Variants in TDRD6 observed in about 807,000 individuals in gnomAD.
TDRD6 encodes tudor domain-containing protein 6.
In TDRD6, 186 loss-of-function variants were observed where a neutral mutation model predicts 157.5. The observed-to-expected ratio is 1.18, with a 90% CI of 1.05 to 1.33. The LOEUF is 1.33. TDRD6 is among the 40% of genes most tolerant of loss of function. The probability of loss-of-function intolerance (pLI) is 0.00; values close to 1 mark genes in which losing one functional copy is unlikely to be tolerated. For synonymous variants in TDRD6, 1,075 were observed against 945.2 expected (o/e 1.14, Z -2.52); for missense variants, 3,066 against 2,508.0 (o/e 1.22, Z -4.75).
Position 46,689,257 on chromosome 6 carries a change from G to A in TDRD6, c.1129G>A (p.Ala377Thr), listed in dbSNP as rs1764225972. 6.2e-7 allele frequency: 1 copy of A among 1,614,002 alleles called. No individual in the cohort carries two copies. The highest frequency in any genetic ancestry group is 1.6e-4 in the Middle Eastern group (1 of 6,084). ...FRMPVVTYPC[A>T]LYGLWDGGRG... ...AATGCCGGTGGTGACCTACCCTTGTGCTTTGTATGGACTCTGGGACGGTGG... is the reference window on the plus strand; with the variant it reads ...AATGCCGGTGGTGACCTACCCTTGTACTTTGTATGGACTCTGGGACGGTGG... The change falls in exon 1 of 4, where the codon GCT becomes ACT. Residue 377 changes from alanine to threonine, a missense_variant. By Grantham distance (58) the Ala-to-Thr change is moderately conservative (BLOSUM62 0). Transcript: ENST00000316081.
At chr6:46,697,963 T>A in intron 2 of TDRD6, 35 bp from the exon 3 acceptor site, 1 of 1,300,118 alleles carries the variant, frequency 7.7e-7, no homozygotes, top group Non-Finnish European at 1.1e-6. Flanking sequence ...TTTTTTTGAA[T>A]TGGACACTTT....
rs1764355379 is a variant in TDRD6 at position 46,692,330 on chromosome 6, T to C, written c.4202T>C (p.Ile1401Thr). The stretch of plus-strand genomic sequence containing the variant: ...GTTTCTGTGGTTCATACTAACAAAA[T>C]AGGTAGGCTTGACCTTGTTAATGCA... The part of the protein sequence containing the change: ...GNVSVVHTNK[I>T]GRLDLVNAIL... Residue 1401 changes from isoleucine (I) to threonine (T), a missense_variant, in exon 1 of 4, where the codon ATA (isoleucine) becomes ACA (threonine). Physicochemically the swap from Ile to Thr is moderately conservative, Grantham distance 89. Transcript: ENST00000316081. 6.2e-7 allele frequency: 1 copy of C among 1,614,048 alleles called. No individual in the cohort carries two copies. Among genetic ancestry groups the C allele is most frequent in the Non-Finnish European group, 8.5e-7 (1 of 1,180,000 alleles).
rs866129407 is a variant in TDRD6, at chr6:46,694,113, C to T, written c.5985C>T (p.Phe1995=). Residue 1995 remains phenylalanine, a synonymous_variant, in exon 1 of 4, where the codon TTC becomes TTT. Coordinates refer to ENST00000316081, the MANE Select transcript of TDRD6 (RefSeq NM_001010870.3). ...RDAISALMPL[F]SEEESSDGSK... is the part of the protein sequence containing the mutation. ...CCATTTCGGCATTGATGCCTTTGTT[C>T]TCTGAGGAAGAAAGCAGTGATGGAA... 6.2e-7 allele frequency: 1 copy of T among 1,604,176 alleles called. No individual in the cohort carries two copies. The highest frequency in any genetic ancestry group is 8.5e-7 in the Non-Finnish European group (1 of 1,175,504).
intron 1 of TDRD6, 125 bp from the exon 2 acceptor site, chr6:46,695,696 A>G (rs1453179874): frequency 4.4e-6 from 4 of 904,634 alleles, no homozygotes; most frequent in Admixed American, 2.8e-5. Context: ...CAGTCATACC[A>G]ATGTACTAAT....
At position 46,690,055 on chromosome 6, in the gene TDRD6, A is replaced by G. The variant is rs144405155; in HGVS notation, c.1927A>G (p.Ile643Val). 3.5e-5 allele frequency: 56 copies of G among 1,613,968 alleles called. No individual in the cohort carries two copies. Among genetic ancestry groups the G allele is most frequent in the Non-Finnish European group, 4.3e-5 (51 of 1,180,008 alleles). Residue 643 changes from isoleucine to valine, a missense_variant, in exon 1 of 4, where the codon ATT becomes GTT. Coordinates refer to ENST00000316081, the MANE Select transcript of TDRD6 (RefSeq NM_001010870.3). ...ILDKQDHQYV[I>V]EILDESRTGE... ...TGATAAACAGGATCATCAATATGTT[A>G]TTGAGATTCTTGACGAATCAAGAAC...
At chr6:46,698,619 T>G (rs1217368604) in intron 3 of TDRD6, among the ~76,000 whole-genome samples, 1 of 152,208 alleles carries the variant, frequency 6.6e-6, no homozygotes, top group Non-Finnish European at 1.5e-5. Flanking sequence ...TTATCCTGTT[T>G]GGGGTTGGTT....
upstream of TDRD6, among the ~76,000 whole-genome samples, chr6:46,684,577 C>T (rs1297664096): frequency 3.3e-5 from 5 of 152,118 alleles, no homozygotes; most frequent in East Asian, 9.6e-4. Context: ...TTTTATTAAT[C>T]TAAGAATATT....
Position 46,689,879 on chromosome 6 carries a change from G to A in TDRD6, c.1751G>A (p.Arg584Lys), listed in dbSNP as rs749874371. Residue 584 changes from arginine to lysine, a missense_variant, in exon 1 of 4, where the codon AGG (arginine) becomes AAG (lysine). By Grantham distance (26) the Arg-to-Lys change is conservative. Coordinates refer to ENST00000316081, the MANE Select transcript of TDRD6 (RefSeq NM_001010870.3). ...NSENVDWYDV[R>K]MLLPQFRQLP... ...GAAAATGTGGACTGGTATGACGTAA[G>A]GATGCTGCTTCCTCAGTTTAGGCAG... is the stretch of plus-strand genomic sequence containing the variant. The A allele has an allele frequency of 1.2e-6, 2 of 1,614,208 alleles. No individual in the cohort carries two copies. The highest frequency in any genetic ancestry group is 1.7e-6 in the Non-Finnish European group (2 of 1,180,042).
Position 46,689,515 on chromosome 6 carries a change from C to T in TDRD6, c.1387C>T (p.Gln463Ter). ...EEEEPETSQS[Q>*]SPAEEVDEEI... ...GGAGGAACCAGAAACATCTCAGTCT[C>T]AGTCTCCTGCTGAAGAAGTAGATGA... is the stretch of plus-strand genomic sequence containing the variant. The change falls in exon 1 of 4, where the codon CAG becomes TAG. Residue 463 changes from glutamine (Q) to a stop codon, truncating the protein, a stop_gained. Transcript: ENST00000316081. LOFTEE classifies it high-confidence loss of function. The T allele has an allele frequency of 6.2e-7, 1 of 1,614,052 alleles. No homozygotes were observed. Among genetic ancestry groups the T allele is most frequent in the Non-Finnish European group, 8.5e-7 (1 of 1,180,040 alleles).
Position 46,693,567 on chromosome 6 carries a change from T to G in TDRD6, c.5439T>G (p.Ile1813Met), listed in dbSNP as rs771125197. ...CAGAGTTTGATGATAAATACCTGAT[T>G]ACAGGATTTAACACATTACTACCAC... is the stretch of plus-strand genomic sequence containing the variant. ...DKAEFDDKYL[I>M]TGFNTLLPHA... Residue 1813 changes from isoleucine (I) to methionine (M), a missense_variant, in exon 1 of 4, where the codon ATT becomes ATG. By Grantham distance (10) the Ile-to-Met change is conservative. Transcript: ENST00000316081. 1.9e-6 allele frequency: 3 copies of G among 1,614,034 alleles called. No homozygotes were observed. The highest frequency in any genetic ancestry group is 1.7e-5 in the Admixed American group (1 of 59,988).
Position 46,690,650 on chromosome 6 carries a change from T to C in TDRD6, c.2522T>C (p.Ile841Thr), listed in dbSNP as rs780429416. ...RQWSRALISG[I>T]QSVEHVNVTF... Reference sequence around the variant, plus strand: ...TGGTCCAGAGCACTTATTAGTGGGATACAGTCTGTGGAGCATGTCAATGTA... The same window carrying C: ...TGGTCCAGAGCACTTATTAGTGGGACACAGTCTGTGGAGCATGTCAATGTA... Residue 841 changes from isoleucine (I) to threonine (T), a missense_variant, in exon 1 of 4, where the codon ATA becomes ACA. Ile to Thr is a moderately conservative substitution (Grantham distance 89, BLOSUM62 -1). Coordinates refer to ENST00000316081, the MANE Select transcript of TDRD6 (RefSeq NM_001010870.3). 2 of 1,614,104 alleles carry C rather than the reference T, an allele frequency of 1.2e-6. No individual in the cohort carries two copies. The highest frequency in any genetic ancestry group is 2.7e-5 in the African/African-American group (2 of 74,952).
upstream of TDRD6, among the ~76,000 whole-genome samples, chr6:46,686,546 T>C (rs1463474468): frequency 1.3e-5 from 2 of 151,896 alleles, no homozygotes; most frequent in Non-Finnish European, 1.5e-5. Context: ...AAACGACGTT[T>C]GAGCTAGGTC....
upstream of TDRD6, among the ~76,000 whole-genome samples, chr6:46,686,963 A>T (rs2150673854): frequency 6.6e-6 from 1 of 152,312 alleles, no homozygotes; most frequent in Non-Finnish European, 1.5e-5. Context: ...GCCTTGTTGT[A>T]TTTGTATGTA....
chr6:46,693,685 T>C lies in TDRD6; in HGVS notation c.5557T>C (p.Ser1853Pro), dbSNP rs753449470. The C allele has an allele frequency of 4.0e-5, 64 of 1,614,148 alleles. 1 individual carries two copies. In the East Asian group the frequency reaches 1.3e-3, roughly 33 times the overall value. The part of the protein sequence containing the change: ...DESKEFLELE[S>P]IELQNSLVVD... ...ATCAAAAGAATTCTTAGAACTGGAATCTATTGAGTTACAGAATTCTCTGGT... is the reference window on the plus strand; with the variant it reads ...ATCAAAAGAATTCTTAGAACTGGAACCTATTGAGTTACAGAATTCTCTGGT... The change falls in exon 1 of 4, where the codon TCT (serine) becomes CCT (proline). Residue 1853 changes from serine to proline, a missense_variant. Coordinates refer to ENST00000316081, the MANE Select transcript of TDRD6 (RefSeq NM_001010870.3).
Position 46,692,804 on chromosome 6 carries a change from C to T in TDRD6, c.4676C>T (p.Ala1559Val). The T allele has an allele frequency of 6.2e-7, 1 of 1,613,978 alleles. No individual in the cohort carries two copies. Residue 1559 changes from alanine to valine, a missense_variant, in exon 1 of 4, where the codon GCA becomes GTA. Ala to Val is a moderately conservative substitution (Grantham distance 64). Transcript: ENST00000316081. ...VEVQTAGEQV[A>V]DRRNCIPCPY... ...GTACAGACTGCTGGAGAACAGGTAG[C>T]AGACAGGAGAAATTGTATCCCATGT...
rs896646448 is a variant in TDRD6 at position 46,702,106 on chromosome 6, C to A, written c.*219C>A. The A allele has an allele frequency of 5.1e-6, 2 of 391,202 alleles. No individual in the cohort carries two copies. Among genetic ancestry groups the A allele is most frequent in the East Asian group, 7.5e-5 (2 of 26,504 alleles). 24.2% of individuals were successfully genotyped at this position (391,202 alleles called of 1,614,324 possible). On this transcript the variant is annotated 3_prime_UTR_variant, in exon 4 of 4. Transcript: ENST00000316081. The stretch of plus-strand genomic sequence containing the variant: ...TTATATATACAGATCTGGGATCTTT[C>A]GTCTTTATTGTCTTACGTTTCTAAT...
At chr6:46,683,993 G>C (rs1161935260), upstream of TDRD6, among the ~76,000 whole-genome samples, 1 of 152,054 alleles carries the variant, frequency 6.6e-6, no homozygotes, top group East Asian at 1.9e-4. Flanking sequence ...AAAGTGTAAG[G>C]TGTATGCCGT....
At position 46,702,760 on chromosome 6, in the gene TDRD6, T is replaced by G. The variant is rs1764654844; in HGVS notation, c.*873T>G. ...GAAGCCCATGACTTTTTAAACATGA[T>G]TTTGCAAAGCATAGATCTTAGCTTT... On this transcript the variant is annotated 3_prime_UTR_variant, in exon 4 of 4. Coordinates refer to ENST00000316081, the MANE Select transcript of TDRD6 (RefSeq NM_001010870.3). 1 of 152,122 alleles carries G rather than the reference T, an allele frequency of 6.6e-6. No homozygotes were observed. Among genetic ancestry groups the G allele is most frequent in the South Asian group, 2.1e-4 (1 of 4,830 alleles). 9.4% of individuals were successfully genotyped at this position (152,122 alleles called of 1,614,324 possible). A position where few individuals can be genotyped will look rare whatever the true frequency, so the allele number is the denominator to read the frequency against.
At position 46,688,114 on chromosome 6, in the gene TDRD6, C is replaced by A; in HGVS notation, c.-15C>A. 6.7e-7 allele frequency: 1 copy of A among 1,489,084 alleles called. No individual in the cohort carries two copies. Among genetic ancestry groups the A allele is most frequent in the Non-Finnish European group, 8.9e-7 (1 of 1,129,220 alleles). 92.2% of individuals were successfully genotyped at this position (1,489,084 alleles called of 1,614,324 possible). A position where few individuals can be genotyped will look rare whatever the true frequency, so the allele number is the denominator to read the frequency against. On this transcript the variant is annotated 5_prime_UTR_variant, in exon 1 of 4. Coordinates refer to ENST00000316081, the MANE Select transcript of TDRD6 (RefSeq NM_001010870.3). ...CCTTAATTTCCGGAAGTGGGGGCCG[C>A]GCCGCGCCGTCAAGATGTGCTCGAC...
Sources: allele counts gnomAD v4.1 joint callset (sites outside exome capture counted in the v4.1 genomes callset), GRCh38; gene constraint gnomAD v4.1.1; transcripts MANE v1.5; gene names NCBI Gene and HGNC (gene_info 2026-07-23, HGNC 2026-07-21).